The following CWF19L2 variants were observed in gnomAD, a reference collection of about 807,000 sequenced individuals.
CWF19L2 encodes the protein CWF19-like protein 2.
Under a neutral mutation model 111.7 loss-of-function variants are expected in CWF19L2, and 98 were observed. That is an observed-to-expected ratio of 0.88 (90% CI 0.75 to 1.04). CWF19L2 has a LOEUF of 1.04. CWF19L2 is among the 50% of genes least tolerant of loss of function. The probability of loss-of-function intolerance (pLI) is 0.00; values close to 1 mark genes in which losing one functional copy is unlikely to be tolerated. For synonymous variants in CWF19L2, 351 were observed against 342.9 expected (o/e 1.02, Z -0.26); for missense variants, 1,101 against 1,051.4 (o/e 1.05, Z -0.65).
chr11:107,453,083 G>T (rs929279257), intron 3 of CWF19L2, among the ~76,000 whole-genome samples: 84 of 152,230 alleles, frequency 5.5e-4, no homozygotes, highest in African/African-American at 2.0e-3. Context: ...AAGAAAAAAT[G>T]ATGAAAAACA....
At chr11:107,449,811 G>A (rs1861753251) in intron 3 of CWF19L2, among the ~76,000 whole-genome samples, 1 of 151,930 alleles carries the variant, frequency 6.6e-6, no homozygotes, top group Non-Finnish European at 1.5e-5. Flanking sequence ...AGAAAAAATA[G>A]AAAAGGAATA....
intron 10 of CWF19L2, among the ~76,000 whole-genome samples, chr11:107,415,281 CAAGTCCTTACATA>C (rs1465134159): frequency 6.6e-6 from 1 of 152,216 alleles, no homozygotes; most frequent in African/African-American, 2.4e-5. Flanking sequence ...CCATTAACTA[CAAGTCCTTACATA>C]AAGTCCTTAC....
chr11:107,434,526 T>C (rs1861512776), intron 6 of CWF19L2, among the ~76,000 whole-genome samples: 1 of 151,954 alleles, frequency 6.6e-6, no homozygotes, highest in Admixed American at 6.6e-5. Flanking sequence ...TGCACACACA[T>C]TAACCCCAAG....
chr11:107,428,728 T>C, intron 8 of CWF19L2, 71 bp downstream of exon 8: 2 of 1,206,140 alleles, frequency 1.7e-6, no homozygotes, highest in Admixed American at 2.3e-5. Flanking sequence ...ATAACTGATG[T>C]TCTAAAAATA....
Position 107,455,656 on chromosome 11 carries a change from T to G in CWF19L2, c.216+10A>C. On this transcript the variant is annotated intron_variant, in intron 2 of 17. Coordinates refer to ENST00000282251, the MANE Select transcript of CWF19L2 (RefSeq NM_152434.3). ...ATATCCTTACATCACGTAAACCTGTTAGTATTCACCTGTGAGAACTGTTCA... is the reference window on the plus strand; with the variant it reads ...ATATCCTTACATCACGTAAACCTGTGAGTATTCACCTGTGAGAACTGTTCA... The G allele has an allele frequency of 6.8e-7, 1 of 1,464,394 alleles. No homozygotes were observed. The highest frequency in any genetic ancestry group is 9.3e-7 in the Non-Finnish European group (1 of 1,075,014). 90.7% of individuals were successfully genotyped at this position (1,464,394 alleles called of 1,614,324 possible).
At chr11:107,416,502 A>G (rs955247224) in intron 9 of CWF19L2, among the ~76,000 whole-genome samples, 5 of 152,224 alleles carry the variant, frequency 3.3e-5, no homozygotes, top group African/African-American at 1.2e-4. Context: ...TACCTGTGAC[A>G]TGCTTCAAAG....
In CWF19L2 at chr11:107,402,871, GTGTATATATATATATATATA is replaced by G. The variant is rs1417797812; in HGVS notation, c.1618-9996_1618-9977del. On this transcript the variant is annotated intron_variant, in intron 10 of 17. Transcript: ENST00000282251. Reference sequence around the variant, plus strand: ...AACGAGTGGATAAACAAACTGTGGTGTGTATATATATATATATATATATATATATATAATGGAATACTATG... The same window carrying G: ...AACGAGTGGATAAACAAACTGTGGTGTATATATATATAATGGAATACTATG... 1.4e-4 allele frequency among the ~76,000 whole-genome samples: 8 copies of G among 57,118 alleles called. 1 individual carries two copies. The highest frequency in any genetic ancestry group is 5.5e-4 in the South Asian group (1 of 1,822). The allele number at this position is 57,118 out of a possible 152,430, so 37.5% of individuals were successfully genotyped here.
chr11:107,411,759 T>C (rs543670550), intron 10 of CWF19L2, among the ~76,000 whole-genome samples: 1 of 152,310 alleles, frequency 6.6e-6, no homozygotes, highest in South Asian at 2.1e-4. Context: ...AAAACCTGAT[T>C]ATCAAAAACA....
chr11:107,327,174 G>T, intron 17 of CWF19L2, 121 bp from the exon 18 acceptor site: 1 of 992,958 alleles, frequency 1.0e-6, no homozygotes, highest in Non-Finnish European at 1.4e-6. Context: ...CAATGTTCAA[G>T]CATAAATACT....
At chr11:107,426,656 A>G (rs632942) in intron 8 of CWF19L2, among the ~76,000 whole-genome samples, 27,074 of 151,712 alleles carry the variant, frequency 0.18, 2,596 homozygotes, top group Middle Eastern at 0.27. Flanking sequence ...AAATGTAGGT[A>G]CATATGGGCT....
chr11:107,418,635 T>G (rs1413615023), intron 8 of CWF19L2, among the ~76,000 whole-genome samples: 3 of 152,168 alleles, frequency 2.0e-5, no homozygotes, highest in African/African-American at 7.2e-5. Context: ...TATACATCTT[T>G]GGAAACTCTT....
chr11:107,333,665 G>C (rs1306187424), intron 16 of CWF19L2, among the ~76,000 whole-genome samples: 1 of 152,158 alleles, frequency 6.6e-6, no homozygotes. Flanking sequence ...CAGCAGAGAA[G>C]AGAAAATGAT....
intron 12 of CWF19L2, among the ~76,000 whole-genome samples, chr11:107,384,093 C>A (rs1860731252): frequency 1.3e-5 from 2 of 152,192 alleles, no homozygotes; most frequent in African/African-American, 4.8e-5. Flanking sequence ...TGAATGAGTT[C>A]AATTAACATT....
chr11:107,337,898 TAC>T (rs1859951197), intron 14 of CWF19L2, among the ~76,000 whole-genome samples: 2 of 151,856 alleles, frequency 1.3e-5, no homozygotes, highest in Non-Finnish European at 2.9e-5. Flanking sequence ...TAAGAAATAA[TAC>T]AGAGAGATCC....
chr11:107,358,748 C>A (rs1860277463), intron 12 of CWF19L2, among the ~76,000 whole-genome samples: 1 of 152,162 alleles, frequency 6.6e-6, no homozygotes, highest in South Asian at 2.1e-4. Context: ...CTGTAATCAA[C>A]TTTAACCATG....
At chr11:107,425,470 C>T (rs1027034727) in intron 8 of CWF19L2, among the ~76,000 whole-genome samples, 4 of 151,966 alleles carry the variant, frequency 2.6e-5, no homozygotes, top group East Asian at 1.9e-4. Flanking sequence ...TACTTTGCAG[C>T]CTAGAGGCAA....
chr11:107,428,081 T>C (rs1001776151), intron 8 of CWF19L2, among the ~76,000 whole-genome samples: 4 of 152,148 alleles, frequency 2.6e-5, no homozygotes, highest in Non-Finnish European at 5.9e-5. Flanking sequence ...CATTCACGTG[T>C]AAGTTGTTAC....
chr11:107,450,560 A>G (rs776707564), intron 3 of CWF19L2, among the ~76,000 whole-genome samples: 2 of 152,088 alleles, frequency 1.3e-5, no homozygotes, highest in African/African-American at 2.4e-5. Context: ...TAAATCAATC[A>G]ATCAATAAAA....
At chr11:107,354,466 T>C (rs962943796) in intron 12 of CWF19L2, among the ~76,000 whole-genome samples, 1 of 152,328 alleles carries the variant, frequency 6.6e-6, no homozygotes, top group Admixed American at 6.5e-5. Context: ...CAATACTGCC[T>C]GCGTATCCCT....
Sources: gnomAD v4.1 joint callset for allele counts (sites outside exome capture counted in the v4.1 genomes callset) on GRCh38, gnomAD v4.1.1 for gene constraint, MANE v1.5 for transcripts, NCBI Gene and HGNC (gene_info 2026-07-23, HGNC 2026-07-21) for gene names.